The following RNF213 variants were observed in gnomAD, a reference collection of about 807,000 sequenced individuals.
RNF213 encodes the protein ring finger protein 213, also known as E3 ubiquitin-protein ligase RNF213.
In RNF213, 341 loss-of-function variants were observed where a neutral mutation model predicts 514.4. That is an observed-to-expected ratio of 0.66 (90% CI 0.61 to 0.73). The LOEUF (loss-of-function observed/expected upper bound fraction) is 0.73. RNF213 is among the 30% of genes least tolerant of loss of function. The pLI, the probability that RNF213 is intolerant of heterozygous loss-of-function variation, is 0.00. For synonymous variants in RNF213, 2,655 were observed against 2,658.2 expected (o/e 1.00, Z 0.04); for missense variants, 5,767 against 6,615.6 (o/e 0.87, Z 4.45).
chr17:80,289,907 A>G, intron 6 of RNF213, 70 bp downstream of exon 6: 1 of 1,458,832 alleles, frequency 6.9e-7, no homozygotes, highest in Non-Finnish European at 9.4e-7. Flanking sequence ...TCCCTGCACA[A>G]CTCTCAGGGG....
Position 80,347,083 on chromosome 17 carries a change from C to T in RNF213, c.8748C>T (p.Gly2916=). ...CAGAGCTCATAGAGAGCGCCAAGGG[C>T]ATCTGCTCCTCAGACATCCTCGTCC... is the stretch of plus-strand genomic sequence containing the variant. ...NETELIESAK[G]ICSSDILVQD... The change falls in exon 29 of 68, where the codon GGC becomes GGT. Residue 2916 remains glycine (G), a synonymous_variant. Coordinates refer to ENST00000582970, the MANE Select transcript of RNF213 (RefSeq NM_001256071.3). The surrounding 1 kb of genome is among the most constrained non-coding windows in gnomAD (Gnocchi z 7.2). 6.2e-7 allele frequency: 1 copy of T among 1,614,104 alleles called. No individual in the cohort carries two copies. The highest frequency in any genetic ancestry group is 8.5e-7 in the Non-Finnish European group (1 of 1,180,024).
intron 6 of RNF213, among the ~76,000 whole-genome samples, 189 bp from the exon 7 acceptor site, chr17:80,290,379 GCA>G (rs2044655344): frequency 1.3e-5 from 2 of 151,414 alleles, no homozygotes; most frequent in African/African-American, 2.4e-5. Context: ...GTGAGTGCGT[GCA>G]CGTGTGTGCG....
At position 80,381,007 on chromosome 17, in the gene RNF213, A is replaced by G. The variant is rs372046687; in HGVS notation, c.13797+20A>G. ...TCCCAGGTATAACCCAGTGCTGCCA[A>G]ACAATGGGCTCAGTTAAGAACCTGC... On this transcript the variant is annotated intron_variant, in intron 56 of 67. Transcript: ENST00000582970. 2.5e-4 allele frequency: 409 copies of G among 1,614,014 alleles called. 3 individuals carry two copies. Among genetic ancestry groups the G allele is most frequent in the Middle Eastern group, 8.3e-4 (5 of 6,058 alleles).
In RNF213 at chr17:80,389,918, G is replaced by A. The variant is rs765591142; in HGVS notation, c.15285+1G>A. ...TGAACAGCTGCTGCGGCTGCACAAA[G>A]TAAGTCTGGTCTCTTCCTCTCTGCT... On this transcript the variant is annotated splice_donor_variant, in intron 66 of 67. Coordinates refer to ENST00000582970, the MANE Select transcript of RNF213 (RefSeq NM_001256071.3). LOFTEE classifies it high-confidence loss of function. 32 of 1,614,072 alleles carry A rather than the reference G, an allele frequency of 2.0e-5. No homozygotes were observed. Among genetic ancestry groups the A allele is most frequent in the Non-Finnish European group, 2.7e-5 (32 of 1,180,028 alleles).
chr17:80,327,688 TG>T, intron 18 of RNF213, 127 bp from the exon 19 acceptor site: 1 of 750,212 alleles, frequency 1.3e-6, no homozygotes, highest in South Asian at 1.9e-5. Context: ...CTGGAGACAC[TG>T]GCCAGCCATT....
rs2044696964 is a variant in RNF213 at position 80,290,828 on chromosome 17, G to A, written c.1271+100G>A. 3.2e-6 allele frequency: 4 copies of A among 1,255,654 alleles called. No individual in the cohort carries two copies. In the Admixed American group the frequency reaches 8.0e-5, roughly 25 times the overall value. 77.8% of individuals were successfully genotyped at this position (1,255,654 alleles called of 1,614,324 possible). A position where few individuals can be genotyped will look rare whatever the true frequency, so the allele number is the denominator to read the frequency against. On this transcript the variant is annotated intron_variant, in intron 7 of 67. Transcript: ENST00000582970. The stretch of plus-strand genomic sequence containing the variant: ...AAAAAATTTTGTTTTTTTTTTTTCT[G>A]AGACGGAGTCTTGCTGTGTCACCCA...
At chr17:80,294,024 G>A (rs566330389) in intron 8 of RNF213, among the ~76,000 whole-genome samples, 3 of 152,174 alleles carry the variant, frequency 2.0e-5, no homozygotes, top group African/African-American at 4.8e-5. Context: ...CTGTCCGGGC[G>A]CTTCCCATTT....
intron 37 of RNF213, 28 bp from the exon 38 acceptor site, chr17:80,360,033 C>T: frequency 6.2e-7 from 1 of 1,613,222 alleles, no homozygotes; most frequent in Non-Finnish European, 8.5e-7. Flanking sequence ...CACAAACCCT[C>T]TTCTTATCAT....
rs1209311377 is a variant in RNF213, at chr17:80,376,506, C to A, written c.13391C>A (p.Pro4464His). ...TGTGGACAGAATGAACTCTTGGAGC[C>A]CCTAAAGAATCTGGCCTTCTCCCCA... is the stretch of plus-strand genomic sequence containing the variant. ...LLCGQNELLE[P>H]LKNLAFSPAT... The change falls in exon 52 of 68, where the codon CCC (proline) becomes CAC (histidine). Residue 4464 changes from proline (P) to histidine (H), a missense_variant. Pro to His is a moderately conservative substitution (Grantham distance 77, BLOSUM62 -2). Around this residue, in one of 13 missense-constraint regions of RNF213, gnomAD observed 1,245 missense variants for 1,339.0 expected, o/e 0.93. Coordinates refer to ENST00000582970, the MANE Select transcript of RNF213 (RefSeq NM_001256071.3). The A allele has an allele frequency of 6.2e-7, 1 of 1,614,104 alleles. No individual in the cohort carries two copies. Among genetic ancestry groups the A allele is most frequent in the Non-Finnish European group, 8.5e-7 (1 of 1,180,034 alleles).
intron 36 of RNF213, among the ~76,000 whole-genome samples, chr17:80,355,674 GGGGA>G (rs2078768267): frequency 2.7e-5 from 1 of 37,668 alleles, no homozygotes; most frequent in African/African-American, 1.3e-4. Context: ...GGGCTTACAG[GGGGA>G]AGAAGCGGGG....
intron 3 of RNF213, among the ~76,000 whole-genome samples, chr17:80,273,682 C>T (rs929793581): frequency 1.4e-4 from 20 of 142,298 alleles, no homozygotes; most frequent in Non-Finnish European, 2.5e-4. Context: ...TGCAGTGGTG[C>T]GATCTCGGCT....
rs371765632 is a variant in RNF213 at position 80,291,623 on chromosome 17, C to G, written c.1272-5C>G. 5 of 1,614,050 alleles carry G rather than the reference C, an allele frequency of 3.1e-6. No homozygotes were observed. In the African/African-American group the frequency reaches 6.7e-5, roughly 22 times the overall value. ...GATAGCCAACCGTATCCTGTTCATT[C>G]ACAGAGACTTGGGTCATGACCGCGT... is the stretch of plus-strand genomic sequence containing the variant. On this transcript the variant is annotated splice_region_variant and splice_polypyrimidine_tract_variant and intron_variant, in intron 7 of 67. Transcript: ENST00000582970.
chr17:80,337,843 A>C lies in RNF213; in HGVS notation c.4679A>C (p.Asp1560Ala). The C allele has an allele frequency of 6.5e-7, 1 of 1,537,108 alleles. No homozygotes were observed. Among genetic ancestry groups the C allele is most frequent in the Non-Finnish European group, 8.7e-7 (1 of 1,146,778 alleles). Residue 1560 changes from aspartate (D) to alanine (A), a missense_variant, in exon 25 of 68, where the codon GAC (aspartate) becomes GCC (alanine). Physicochemically the swap from Asp to Ala is moderately radical, Grantham distance 126 (BLOSUM62 -2). Coordinates refer to ENST00000582970, the MANE Select transcript of RNF213 (RefSeq NM_001256071.3). ...CTATGCTCTTCACAGATTTCCCCAG[A>C]CACGGTTCTGCACTTGATCCTTCCT... ...APKGGQKISP[D>A]TVLHLILPES... is the part of the protein sequence containing the mutation.
chr17:80,358,082 C>T (rs1045698498), intron 36 of RNF213, among the ~76,000 whole-genome samples: 5 of 152,110 alleles, frequency 3.3e-5, no homozygotes, highest in African/African-American at 1.2e-4. Flanking sequence ...ATTCCAGTTC[C>T]GTCTCTAATC....
chr17:80,353,193 C>G lies in RNF213; in HGVS notation c.10423+134C>G, dbSNP rs1408076461. 8.2e-7 allele frequency: 1 copy of G among 1,220,380 alleles called. No individual in the cohort carries two copies. The highest frequency in any genetic ancestry group is 1.5e-5 in the African/African-American group (1 of 67,722). The allele number at this position is 1,220,380 out of a possible 1,614,324, so 75.6% of individuals were successfully genotyped here. On this transcript the variant is annotated intron_variant, in intron 33 of 67. Coordinates refer to ENST00000582970, the MANE Select transcript of RNF213 (RefSeq NM_001256071.3). The surrounding 1 kb of genome is among the most constrained non-coding windows in gnomAD (Gnocchi z 5.0). ...CCTCGGCAGGAGCTCGGGGACACAT[C>G]TGCAGAACTGACTGGTGGCTCATCA...
Position 80,363,492 on chromosome 17 carries a change from A to C in RNF213, c.11569-117A>C, listed in dbSNP as rs1290443933. 6 of 1,297,742 alleles carry C rather than the reference A, an allele frequency of 4.6e-6. No individual in the cohort carries two copies. The Admixed American group carries it at 9.1e-5, about 20-fold the overall frequency. The allele number at this position is 1,297,742 out of a possible 1,614,324, so 80.4% of individuals were successfully genotyped here. On this transcript the variant is annotated intron_variant, in intron 40 of 67. Transcript: ENST00000582970. ...GCTGACGCTTCTCACATCCTAGACA[A>C]TGAAAGTTTAGGTCGCAAGCCTGGG...
chr17:80,375,036 T>C (rs2079691374), intron 50 of RNF213: 1 of 194,194 alleles, frequency 5.1e-6, no homozygotes, highest in African/African-American at 2.3e-5. Flanking sequence ...AATATAAAGA[T>C]GTTTTTAGAA....
At position 80,390,005 on chromosome 17, in the gene RNF213, G is replaced by A. The variant is rs368742341; in HGVS notation, c.15286-7G>A. Reference sequence around the variant, plus strand: ...TTAATGCTTCATTTGCTCTTCCGTCGTTTTAGGAGCCATTTGGGGAAATCA... The same window carrying A: ...TTAATGCTTCATTTGCTCTTCCGTCATTTTAGGAGCCATTTGGGGAAATCA... On this transcript the variant is annotated splice_polypyrimidine_tract_variant and splice_region_variant and intron_variant, in intron 66 of 67. Coordinates refer to ENST00000582970, the MANE Select transcript of RNF213 (RefSeq NM_001256071.3). 52 of 1,614,064 alleles carry A rather than the reference G, an allele frequency of 3.2e-5. No individual in the cohort carries two copies. Among genetic ancestry groups the A allele is most frequent in the Middle Eastern group, 1.6e-4 (1 of 6,084 alleles).
rs1460360542 is a variant in RNF213 at position 80,367,797 on chromosome 17, T to C, written c.11921T>C (p.Val3974Ala). The C allele has an allele frequency of 6.2e-7, 1 of 1,614,228 alleles. No homozygotes were observed. Among genetic ancestry groups the C allele is most frequent in the Non-Finnish European group, 8.5e-7 (1 of 1,180,030 alleles). The change falls in exon 43 of 68, where the codon GTG becomes GCG. Residue 3974 changes from valine (V) to alanine (A), a missense_variant. By Grantham distance (64) the Val-to-Ala change is moderately conservative (BLOSUM62 0). This residue lies in a region of RNF213 where 355 missense variants were observed against 358.0 expected (regional missense o/e 0.99). Coordinates refer to ENST00000582970, the MANE Select transcript of RNF213 (RefSeq NM_001256071.3). The part of the protein sequence containing the change: ...DVKTHGPFEA[V>A]MRTLCECKET... Reference sequence around the variant, plus strand: ...AAGACGCACGGGCCTTTTGAGGCCGTGATGCGCACTCTCTGTGAATGCAAG... The same window carrying C: ...AAGACGCACGGGCCTTTTGAGGCCGCGATGCGCACTCTCTGTGAATGCAAG...
Sources: allele counts gnomAD v4.1 joint callset (sites outside exome capture counted in the v4.1 genomes callset), GRCh38; gene constraint gnomAD v4.1.1; regional missense constraint gnomAD v4.1.1; non-coding constraint Gnocchi (gnomAD v3.1); transcripts MANE v1.5; gene names NCBI Gene and HGNC (gene_info 2026-07-23, HGNC 2026-07-21).